The following SLC28A1 variants were observed in gnomAD, a reference collection of about 807,000 sequenced individuals.
SLC28A1 encodes the protein solute carrier family 28 member 1, also known as sodium/nucleoside cotransporter 1.
In SLC28A1, 64 loss-of-function variants were observed where a neutral mutation model predicts 74.8. That is an observed-to-expected ratio of 0.86 (90% CI 0.70 to 1.05). The LOEUF (loss-of-function observed/expected upper bound fraction) is 1.05. SLC28A1 is among the 50% of genes least tolerant of loss of function. The probability of loss-of-function intolerance (pLI) is 0.00; values close to 1 mark genes in which losing one functional copy is unlikely to be tolerated. For synonymous variants in SLC28A1, 359 were observed against 335.0 expected (o/e 1.07, Z -0.78); for missense variants, 828 against 822.8 (o/e 1.01, Z -0.08).
At chr15:84,931,127 A>G (rs2141988868) in intron 12 of SLC28A1, among the ~76,000 whole-genome samples, 1 of 151,552 alleles carries the variant, frequency 6.6e-6, no homozygotes, top group Non-Finnish European at 1.5e-5. Flanking sequence ...GCTGGTCTCA[A>G]ACTCCTGACC....
chr15:84,884,920 C>A (rs1207267268), intron 1 of SLC28A1, among the ~76,000 whole-genome samples, 169 bp downstream of exon 1: 1 of 152,104 alleles, frequency 6.6e-6, no homozygotes, highest in Non-Finnish European at 1.5e-5. Flanking sequence ...TGGTGGCCAC[C>A]CATGGAGACA....
intron 15 of SLC28A1, among the ~76,000 whole-genome samples, chr15:84,939,204 C>T (rs1201271039): frequency 1.3e-5 from 2 of 152,154 alleles, no homozygotes; most frequent in African/African-American, 2.4e-5. Flanking sequence ...CCTGTGGTCT[C>T]AGCTACTTGG....
intron 8 of SLC28A1, among the ~76,000 whole-genome samples, chr15:84,906,110 C>A (rs1412985303): frequency 6.6e-6 from 1 of 151,194 alleles, no homozygotes; most frequent in African/African-American, 2.4e-5. Flanking sequence ...ACCTCCACCT[C>A]CCTGGTTCAA....
intron 6 of SLC28A1, among the ~76,000 whole-genome samples, chr15:84,896,496 C>T (rs563616462): frequency 2.0e-5 from 3 of 152,110 alleles, no homozygotes; most frequent in East Asian, 1.9e-4. Flanking sequence ...GGTGGAAATG[C>T]GAAACAGTGC....
At chr15:84,930,855 C>T (rs1286651679) in intron 12 of SLC28A1, among the ~76,000 whole-genome samples, 2 of 151,392 alleles carry the variant, frequency 1.3e-5, no homozygotes, top group East Asian at 3.9e-4. Flanking sequence ...TTGCAACCTC[C>T]GCCTCCTGGG....
At chr15:84,885,602 A>G (rs1390431892) in intron 1 of SLC28A1, among the ~76,000 whole-genome samples, 3 of 151,780 alleles carry the variant, frequency 2.0e-5, no homozygotes, top group Non-Finnish European at 4.4e-5. Flanking sequence ...GTGGTGGCGC[A>G]TGCCTGTAAT....
At chr15:84,887,533 G>T in intron 2 of SLC28A1, 1 of 985,310 alleles carries the variant, frequency 1.0e-6, no homozygotes, top group Non-Finnish European at 1.2e-6. Context: ...AAAGGAAGAG[G>T]TACCTCCTCC....
At chr15:84,934,921 C>T (rs1971700758) in intron 13 of SLC28A1, 105 bp from the exon 14 acceptor site, 3 of 967,144 alleles carry the variant, frequency 3.1e-6, no homozygotes, top group African/African-American at 1.6e-5. Context: ...TAGGATTTCC[C>T]GCTCTGAAAT....
intron 9 of SLC28A1, among the ~76,000 whole-genome samples, chr15:84,909,679 C>A (rs1022083617): frequency 1.3e-5 from 2 of 152,320 alleles, no homozygotes; most frequent in Admixed American, 1.3e-4. Flanking sequence ...GACCAGCTTG[C>A]TCTAGGCTTA....
At chr15:84,922,251 G>A (rs956504649) in intron 11 of SLC28A1, among the ~76,000 whole-genome samples, 1 of 152,176 alleles carries the variant, frequency 6.6e-6, no homozygotes, top group Non-Finnish European at 1.5e-5. Flanking sequence ...ACTCAGGACT[G>A]ACAGGTCAAC....
chr15:84,890,128 C>T (rs1310855025), intron 4 of SLC28A1, among the ~76,000 whole-genome samples: 1 of 21,594 alleles, frequency 4.6e-5, no homozygotes, highest in Admixed American at 1.2e-3. Flanking sequence ...AGCCACCGCG[C>T]CCCCCCACCG....
the SLC28A1 span, among the ~76,000 whole-genome samples, chr15:84,963,123 T>G: frequency 6.6e-6 from 1 of 152,186 alleles, no homozygotes. Flanking sequence ...GAGATTGAAT[T>G]TCTTGCCAGC....
intron 8 of SLC28A1, among the ~76,000 whole-genome samples, chr15:84,907,148 T>C (rs1421149804): frequency 6.6e-6 from 1 of 152,234 alleles, no homozygotes; most frequent in African/African-American, 2.4e-5. Context: ...ATTCTCCTGA[T>C]TTTTTGGAAG....
At chr15:84,969,374 A>G in the SLC28A1 span, among the ~76,000 whole-genome samples, 1 of 152,180 alleles carries the variant, frequency 6.6e-6, no homozygotes, top group Non-Finnish European at 1.5e-5. Context: ...GCAAGCCTTC[A>G]CGCTGAAGAA....
At chr15:84,900,852 G>A (rs891214087) in intron 6 of SLC28A1, among the ~76,000 whole-genome samples, 6 of 147,386 alleles carry the variant, frequency 4.1e-5, no homozygotes, top group Admixed American at 1.4e-4. Flanking sequence ...AGGGGAAAGG[G>A]AAGGGGAAGG....
chr15:84,970,953 C>A, the SLC28A1 span, among the ~76,000 whole-genome samples: 1 of 152,212 alleles, frequency 6.6e-6, no homozygotes, highest in East Asian at 1.9e-4. Flanking sequence ...TCTGTTATGC[C>A]TCCAGCCCCA....
intron 7 of SLC28A1, among the ~76,000 whole-genome samples, chr15:84,905,129 A>G (rs1292710660): frequency 6.6e-6 from 1 of 152,092 alleles, no homozygotes; most frequent in Non-Finnish European, 1.5e-5. Flanking sequence ...AGTCCAGCCT[A>G]TTGGAGGAGA....
chr15:84,906,528 G>GTTTCTTTCTTTC (rs1159258854), intron 8 of SLC28A1, among the ~76,000 whole-genome samples: 67 of 62,036 alleles, frequency 1.1e-3, no homozygotes, highest in East Asian at 3.4e-3. Context: ...TTGTTTGTTT[G>GTTTCTTTCTTTC]TTTCTTTCTT....
chr15:84,956,476 T>TTTCTTTCTTTCC, the SLC28A1 span, among the ~76,000 whole-genome samples: 512 of 119,874 alleles, frequency 4.3e-3, 2 homozygotes, highest in African/African-American at 0.014. Context: ...TCCTTCTTTC[T>TTTCTTTCTTTCC]TTCTTTCTTT....
Sources: allele counts gnomAD v4.1 joint callset (sites outside exome capture counted in the v4.1 genomes callset), GRCh38; gene constraint gnomAD v4.1.1; transcripts MANE v1.5; gene names NCBI Gene and HGNC (gene_info 2026-07-23, HGNC 2026-07-21).